Variants in CCSER1 observed in about 807,000 individuals in gnomAD.
CCSER1 encodes the protein serine-rich coiled-coil domain-containing protein 1.
In CCSER1, 41 loss-of-function variants were observed where a neutral mutation model predicts 82.0. The observed-to-expected ratio is 0.50, with a 90% CI of 0.39 to 0.65. The LOEUF is 0.65. CCSER1 is among the 30% of genes least tolerant of loss of function. The pLI, the probability that CCSER1 is intolerant of heterozygous loss-of-function variation, is 0.00. For synonymous variants in CCSER1, 414 were observed against 383.9 expected (o/e 1.08, Z -0.92); for missense variants, 1,119 against 1,064.2 (o/e 1.05, Z -0.72).
At chr4:91,246,492 A>T (rs1193122797) in intron 10 of CCSER1, among the ~76,000 whole-genome samples, 1 of 152,176 alleles carries the variant, frequency 6.6e-6, no homozygotes, top group African/African-American at 2.4e-5. Flanking sequence ...CCTCAAAAAA[A>T]CTAAAAAGTG....
At chr4:90,548,324 T>C (rs143465153) in intron 5 of CCSER1, among the ~76,000 whole-genome samples, 6 of 152,222 alleles carry the variant, frequency 3.9e-5, no homozygotes, top group Non-Finnish European at 8.8e-5. Flanking sequence ...AAGTGCCCCT[T>C]ATCTGTGCAC....
In CCSER1 at chr4:91,580,262, A is replaced by AT. The variant is rs549878478; in HGVS notation, c.2218-18305dup. On this transcript the variant is annotated intron_variant, in intron 10 of 10. Coordinates refer to ENST00000509176, the MANE Select transcript of CCSER1 (RefSeq NM_001145065.2). ...TTTTGGTGACATATTAGATATCCTT[A>AT]TTTTTGTTATAGACATCATGTCCCT... is the stretch of plus-strand genomic sequence containing the variant. Among the ~76,000 whole-genome samples the AT allele has an allele frequency of 2.5e-3, 373 of 151,922 alleles. 3 individuals carry two copies. The highest frequency in any genetic ancestry group is 8.5e-3 in the African/African-American group (351 of 41,518).
chr4:91,098,125 T>A, intron 10 of CCSER1, among the ~76,000 whole-genome samples: 1 of 152,206 alleles, frequency 6.6e-6, no homozygotes, highest in East Asian at 1.9e-4. Flanking sequence ...TTGAAAATAA[T>A]ACTTCAAGAT....
chr4:90,596,421 G>A (rs978616179), intron 5 of CCSER1, among the ~76,000 whole-genome samples: 7 of 151,086 alleles, frequency 4.6e-5, no homozygotes, highest in African/African-American at 1.5e-4. Flanking sequence ...TTAAAGTATA[G>A]GACATGTACT....
At chr4:90,421,945 G>T (rs1226592472) in intron 4 of CCSER1, among the ~76,000 whole-genome samples, 1 of 152,148 alleles carries the variant, frequency 6.6e-6, no homozygotes, top group Non-Finnish European at 1.5e-5. Context: ...TCTGCTGTTT[G>T]TGGGTTGGTG....
At chr4:91,119,783 G>A (rs562452955) in intron 10 of CCSER1, among the ~76,000 whole-genome samples, 1 of 152,042 alleles carries the variant, frequency 6.6e-6, no homozygotes, top group African/African-American at 2.4e-5. Flanking sequence ...ATAGATAATT[G>A]AAAAAATTAT....
intron 6 of CCSER1, among the ~76,000 whole-genome samples, chr4:90,686,677 C>T (rs1419539252): frequency 1.3e-5 from 2 of 152,064 alleles, no homozygotes; most frequent in Non-Finnish European, 2.9e-5. Flanking sequence ...GTAGCCAAAA[C>T]ACCAATGTTC....
intron 10 of CCSER1, among the ~76,000 whole-genome samples, chr4:91,488,036 T>C (rs1382693490): frequency 1.3e-5 from 2 of 152,130 alleles, no homozygotes; most frequent in Non-Finnish European, 2.9e-5. Flanking sequence ...AAATATTTTA[T>C]AGAAAGCATT....
chr4:90,252,039 A>G (rs996215725), intron 1 of CCSER1, among the ~76,000 whole-genome samples: 11 of 151,874 alleles, frequency 7.2e-5, no homozygotes, highest in African/African-American at 2.7e-4. Context: ...AAGGTGAAAG[A>G]TAATGTTATT....
At chr4:91,384,933 T>G (rs2149343059) in intron 10 of CCSER1, among the ~76,000 whole-genome samples, 1 of 152,162 alleles carries the variant, frequency 6.6e-6, no homozygotes, top group Middle Eastern at 3.4e-3. Context: ...AATTTGAAAA[T>G]ACACTGTTGG....
At chr4:90,327,814 A>G (rs1738498811) in intron 3 of CCSER1, among the ~76,000 whole-genome samples, 1 of 152,226 alleles carries the variant, frequency 6.6e-6, no homozygotes, top group Admixed American at 6.5e-5. Context: ...GTGCCCTGGT[A>G]GATAAAAATT....
At chr4:91,504,123 T>G (rs1226589919) in intron 10 of CCSER1, among the ~76,000 whole-genome samples, 1 of 152,164 alleles carries the variant, frequency 6.6e-6, no homozygotes. Context: ...AAATTGTAAG[T>G]ATGGTTTCAA....
At chr4:90,198,516 G>T (rs1737029643) in intron 1 of CCSER1, among the ~76,000 whole-genome samples, 1 of 152,126 alleles carries the variant, frequency 6.6e-6, no homozygotes, top group African/African-American at 2.4e-5. Flanking sequence ...CTGTATCATG[G>T]TGAAATACTT....
intron 10 of CCSER1, among the ~76,000 whole-genome samples, chr4:91,542,891 G>C (rs557695955): frequency 7.9e-5 from 12 of 152,234 alleles, no homozygotes; most frequent in African/African-American, 2.9e-4. Flanking sequence ...GTCTAATGTT[G>C]ACAGTGTGGT....
chr4:91,117,410 C>G (rs1424264860), intron 10 of CCSER1, among the ~76,000 whole-genome samples: 1 of 152,156 alleles, frequency 6.6e-6, no homozygotes, highest in Non-Finnish European at 1.5e-5. Flanking sequence ...CATTCCTTGT[C>G]TGGGACCTAT....
chr4:91,154,403 A>G (rs974580868), intron 10 of CCSER1, among the ~76,000 whole-genome samples: 1 of 152,046 alleles, frequency 6.6e-6, no homozygotes, highest in African/African-American at 2.4e-5. Context: ...TCCTGGTGCC[A>G]TTTGTTACGG....
At chr4:90,232,349 C>T (rs1234811582) in intron 1 of CCSER1, among the ~76,000 whole-genome samples, 3 of 151,664 alleles carry the variant, frequency 2.0e-5, no homozygotes, top group South Asian at 2.1e-4. Flanking sequence ...CTTTGACAAA[C>T]CTGACAAAAA....
chr4:90,723,371 A>G (rs1743026240), intron 6 of CCSER1, among the ~76,000 whole-genome samples: 2 of 151,948 alleles, frequency 1.3e-5, no homozygotes, highest in Non-Finnish European at 2.9e-5. Context: ...GTTTAGCAGA[A>G]TAAAAGAAAG....
chr4:90,958,820 T>C (rs1733776297), intron 9 of CCSER1, among the ~76,000 whole-genome samples: 1 of 152,154 alleles, frequency 6.6e-6, no homozygotes. Flanking sequence ...TAAATACTTG[T>C]TGTTTAAGCC....
Sources: allele counts gnomAD v4.1 joint callset (sites outside exome capture counted in the v4.1 genomes callset), GRCh38; gene constraint gnomAD v4.1.1; transcripts MANE v1.5; gene names NCBI Gene and HGNC (gene_info 2026-07-23, HGNC 2026-07-21).